EXD3: variants seen among roughly 807,000 people sequenced by gnomAD.
EXD3 encodes exonuclease 3'-5' domain containing 3.
EXD3 carries 92 observed loss-of-function variants against 98.0 expected under a neutral mutation model. The ratio of observed to expected loss-of-function variants is 0.94; its 90% confidence interval spans 0.79 to 1.12. The LOEUF (loss-of-function observed/expected upper bound fraction) is 1.12. EXD3 is among the 50% of genes most tolerant of loss of function. The pLI is 0.00. For synonymous variants in EXD3, 569 were observed against 526.0 expected (o/e 1.08, Z -1.12); for missense variants, 1,222 against 1,191.6 (o/e 1.03, Z -0.38).
At position 137,352,658 on chromosome 9, in the gene EXD3, C is replaced by T. The variant is rs772523238; in HGVS notation, c.999G>A (p.Ala333=). The change falls in exon 11 of 22, where the codon GCG becomes GCA. Residue 333 remains alanine, a synonymous_variant. Transcript: ENST00000340951. ...LLLPEERLPA[A]VAVELRRFRL... ...TGAACCGGCGGAGTTCCACAGCCAC[C>T]GCAGCCGGCAGCCGCTCCTCGGGCA... 80 of 1,549,138 alleles carry T rather than the reference C, an allele frequency of 5.2e-5. No homozygotes were observed. The highest frequency in any genetic ancestry group is 6.8e-5 in the African/African-American group (5 of 73,044).
At chr9:137,316,015 C>T (rs1332091737) in intron 19 of EXD3, among the ~76,000 whole-genome samples, 3 of 151,134 alleles carry the variant, frequency 2.0e-5, no homozygotes, top group Non-Finnish European at 4.4e-5. Flanking sequence ...AGGGAAGTCC[C>T]CCTTCTCCCC....
intron 17 of EXD3, among the ~76,000 whole-genome samples, chr9:137,338,730 C>CAA (rs773079416): frequency 1.2e-5 from 1 of 80,518 alleles, no homozygotes; most frequent in African/African-American, 4.3e-5. Flanking sequence ...ACTAAAAATA[C>CAA]AAAAAAAAAA....
In EXD3 at chr9:137,323,832, G is replaced by T. The variant is rs1420308836; in HGVS notation, c.2077C>A (p.Arg693Ser). 1 of 1,611,606 alleles carries T rather than the reference G, an allele frequency of 6.2e-7. No individual in the cohort carries two copies. Among genetic ancestry groups the T allele is most frequent in the Non-Finnish European group, 8.5e-7 (1 of 1,179,680 alleles). ...HKLRAQVGAG[R>S]CLSVDCSLKA... ...AGGGAGCAGTCGACCGAGAGGCAGC[G>T]CCCAGCCCCGACCTGGGCCCGGAGC... Residue 693 changes from arginine (R) to serine (S), a missense_variant, in exon 19 of 22, where the codon CGC (arginine) becomes AGC (serine). By Grantham distance (110) the Arg-to-Ser change is moderately radical (BLOSUM62 -1). Transcript: ENST00000340951.
At chr9:137,413,328 G>A (rs2131829702) in intron 1 of EXD3, among the ~76,000 whole-genome samples, 1 of 152,068 alleles carries the variant, frequency 6.6e-6, no homozygotes, top group Non-Finnish European at 1.5e-5. Flanking sequence ...AGCCTCCCGA[G>A]TAGCTGGGAC....
At chr9:137,311,777 G>C (rs1167828371) in intron 19 of EXD3, among the ~76,000 whole-genome samples, 1 of 152,208 alleles carries the variant, frequency 6.6e-6, no homozygotes, top group Admixed American at 6.5e-5. Context: ...GGGCCTGGCA[G>C]CGAGGGCCTC....
rs115044498 is a variant in EXD3, at chr9:137,388,970, C to T, written c.56-5593G>A. Among the ~76,000 whole-genome samples, 1,130 of 152,298 alleles carry T rather than the reference C, an allele frequency of 7.4e-3. 20 individuals are homozygous for T. Among genetic ancestry groups the T allele is most frequent in the African/African-American group, 0.024 (1,011 of 41,554 alleles). On this transcript the variant is annotated intron_variant, in intron 2 of 21. Coordinates refer to ENST00000340951, the MANE Select transcript of EXD3 (RefSeq NM_017820.5). ...ACAGCAGAAAGGGCCAGCCCACGGC[C>T]TCAGCTCCCCTCAGAGACCCCATGG...
At chr9:137,399,075 C>A (rs1049177439) in intron 1 of EXD3, among the ~76,000 whole-genome samples, 1 of 152,242 alleles carries the variant, frequency 6.6e-6, no homozygotes, top group Non-Finnish European at 1.5e-5. Context: ...GGCGCATCCA[C>A]GTCCCCATGA....
chr9:137,330,155 C>G (rs1444048844), intron 17 of EXD3, among the ~76,000 whole-genome samples: 3 of 124,820 alleles, frequency 2.4e-5, no homozygotes, highest in African/African-American at 9.9e-5. Flanking sequence ...ACCGGAGCTA[C>G]ACAGGACTAC....
At position 137,359,385 on chromosome 9, in the gene EXD3, G is replaced by A. The variant is rs1005818631; in HGVS notation, c.657-3017C>T. Among the ~76,000 whole-genome samples, 2 of 83,592 alleles carry A rather than the reference G, an allele frequency of 2.4e-5. 1 individual carries two copies. The highest frequency in any genetic ancestry group is 6.6e-5 in the African/African-American group (2 of 30,164). The allele number at this position is 83,592 out of a possible 152,430, so 54.8% of individuals were successfully genotyped here. A position where few individuals can be genotyped will look rare whatever the true frequency, so the allele number is the denominator to read the frequency against. ...CACTGCCCAAATCTCAACATAGAAC[G>A]TTCCAGGCCAGGTGCGGTGGCTCAC... On this transcript the variant is annotated intron_variant, in intron 7 of 21. Coordinates refer to ENST00000340951, the MANE Select transcript of EXD3 (RefSeq NM_017820.5).
intron 17 of EXD3, among the ~76,000 whole-genome samples, chr9:137,328,466 T>TAATATACACCC (rs1402978540): frequency 7.1e-4 from 5 of 7,076 alleles, no homozygotes; most frequent in East Asian, 3.1e-3. Flanking sequence ...AATATACACC[T>TAATATACACCC]ATATGATGAG....
At chr9:137,338,060 T>A (rs1833454580) in intron 17 of EXD3, among the ~76,000 whole-genome samples, 1 of 152,200 alleles carries the variant, frequency 6.6e-6, no homozygotes, top group South Asian at 2.1e-4. Flanking sequence ...GTGCTGGGAT[T>A]ACAGGCGTGA....
At chr9:137,373,696 A>C in intron 3 of EXD3, 97 bp from the exon 4 acceptor site, 2 of 1,335,798 alleles carry the variant, frequency 1.5e-6, no homozygotes, top group Non-Finnish European at 2.0e-6. Context: ...AATTTAATCC[A>C]TTCAGAAGGT....
chr9:137,420,819 G>A (rs974673104), intron 1 of EXD3, among the ~76,000 whole-genome samples: 8 of 150,590 alleles, frequency 5.3e-5, no homozygotes, highest in African/African-American at 1.5e-4. Context: ...CATGGGAAGT[G>A]TTTGTTTTGT....
At position 137,419,216 on chromosome 9, in the gene EXD3, CAT is replaced by C. The variant is rs541449119; in HGVS notation, c.-48+3896_-48+3897del. Among the ~76,000 whole-genome samples the C allele has an allele frequency of 3.0e-4, 45 of 152,298 alleles. 1 individual carries two copies. Among genetic ancestry groups the C allele is most frequent in the Admixed American group, 2.3e-3 (35 of 15,280 alleles). On this transcript the variant is annotated intron_variant, in intron 1 of 21. Coordinates refer to ENST00000340951, the MANE Select transcript of EXD3 (RefSeq NM_017820.5). ...TGTATGAGATTCCTAAAAATTCTGA[CAT>C]GTCTTGGTATATGTTATCAGTCGTG... is the stretch of plus-strand genomic sequence containing the variant.
intron 17 of EXD3, among the ~76,000 whole-genome samples, chr9:137,336,971 T>C (rs1348500285): frequency 2.0e-5 from 3 of 152,112 alleles, no homozygotes; most frequent in African/African-American, 7.2e-5. Flanking sequence ...ACTGTCAGAC[T>C]AGATTTTTTT....
In EXD3 at chr9:137,353,122, C is replaced by T. The variant is rs374623340; in HGVS notation, c.871-336G>A. The stretch of plus-strand genomic sequence containing the variant: ...GCCTCCAAGCCTCCGCTGACCTTCC[C>T]GGCCTCCAAGCCTCCACCGGCCCTC... On this transcript the variant is annotated intron_variant, in intron 10 of 21. Coordinates refer to ENST00000340951, the MANE Select transcript of EXD3 (RefSeq NM_017820.5). 29 of 1,180,924 alleles carry T rather than the reference C, an allele frequency of 2.5e-5. No homozygotes were observed. In the Middle Eastern group the frequency reaches 1.5e-3, roughly 60 times the overall value. The allele number at this position is 1,180,924 out of a possible 1,614,324, so 73.2% of individuals were successfully genotyped here. A position where few individuals can be genotyped will look rare whatever the true frequency, so the allele number is the denominator to read the frequency against.
At position 137,383,370 on chromosome 9, in the gene EXD3, G is replaced by T; in HGVS notation, c.63C>A (p.Asp21Glu). 3 of 1,549,760 alleles carry T rather than the reference G, an allele frequency of 1.9e-6. No individual in the cohort carries two copies. Among genetic ancestry groups the T allele is most frequent in the Non-Finnish European group, 1.7e-6 (2 of 1,146,330 alleles). ...GCAGGGCCTGCAGGAGCAGGAGGGGGTCCCGGCCTGTGGAGATAAGATAAC... is the reference window on the plus strand; with the variant it reads ...GCAGGGCCTGCAGGAGCAGGAGGGGTTCCCGGCCTGTGGAGATAAGATAAC... ...AAGERHRMGR[D>E]PLLLLQALQT... Residue 21 changes from aspartate to glutamate, a missense_variant, in exon 3 of 22, where the codon GAC becomes GAA. Asp to Glu is a conservative substitution (Grantham distance 45). Transcript: ENST00000340951.
At chr9:137,355,520 A>AG (rs150608455) in intron 8 of EXD3, among the ~76,000 whole-genome samples, 53 of 37,670 alleles carry the variant, frequency 1.4e-3, no homozygotes, top group African/African-American at 5.5e-3. Flanking sequence ...GGAAGGAGGA[A>AG]GGAGGATGGA....
chr9:137,343,324 C>T (rs1588300848), intron 17 of EXD3: 1 of 152,126 alleles, frequency 6.6e-6, no homozygotes, highest in Admixed American at 6.6e-5. Flanking sequence ...GGAATAAGGG[C>T]TTCTTCTGGG....
Sources: allele counts gnomAD v4.1 joint callset (sites outside exome capture counted in the v4.1 genomes callset), GRCh38; gene constraint gnomAD v4.1.1; transcripts MANE v1.5; gene names NCBI Gene and HGNC (gene_info 2026-07-23, HGNC 2026-07-21).